CRPPA: variants seen among roughly 807,000 people sequenced by gnomAD.
CRPPA encodes CDP-L-ribitol pyrophosphorylase A, also known as D-ribitol-5-phosphate cytidylyltransferase.
CRPPA carries 43 observed loss-of-function variants against 52.0 expected under a neutral mutation model. The ratio of observed to expected loss-of-function variants is 0.83; its 90% CI spans 0.65 to 1.07. CRPPA has a LOEUF of 1.07. Ranked by LOEUF, CRPPA falls within the 50% of genes least tolerant of loss-of-function variation. CRPPA has a pLI of 0.00. For missense variants in CRPPA, 629 were observed against 551.7 expected (o/e 1.14, Z -1.40); for synonymous variants, 250 against 203.5 (o/e 1.23, Z -1.94).
At chr7:16,294,010 A>C (rs1784617942) in intron 5 of CRPPA, among the ~76,000 whole-genome samples, 1 of 151,876 alleles carries the variant, frequency 6.6e-6, no homozygotes, top group Admixed American at 6.6e-5. Context: ...ACGTGTGTCC[A>C]TGTCATTTTT....
chr7:16,368,203 A>G (rs999118058), intron 3 of CRPPA, among the ~76,000 whole-genome samples: 1 of 152,246 alleles, frequency 6.6e-6, no homozygotes, highest in African/African-American at 2.4e-5. Context: ...TGAAGATTCA[A>G]TAAGAATCCA....
rs1210296075 is a variant in CRPPA, at chr7:16,158,922, ACTT to A, written c.1251+57141_1251+57143del. Among the ~76,000 whole-genome samples the A allele has an allele frequency of 7.2e-5, 11 of 151,910 alleles. 1 individual carries two copies. Among genetic ancestry groups the A allele is most frequent in the Admixed American group, 6.6e-4 (10 of 15,256 alleles). ...AATCCAAGCAAGAATTATGTGACTA[ACTT>A]CTTCTTTTGTGTTTTGTTTTTATTT... is the stretch of plus-strand genomic sequence containing the variant. On this transcript the variant is annotated intron_variant, in intron 9 of 9. Transcript: ENST00000407010.
At chr7:16,215,652 C>T (rs1287028272) in intron 9 of CRPPA, among the ~76,000 whole-genome samples, 1 of 152,114 alleles carries the variant, frequency 6.6e-6, no homozygotes, top group Non-Finnish European at 1.5e-5. Flanking sequence ...TCTTAAATTA[C>T]ACCAGTGGAC....
chr7:16,102,269 A>T (rs1427252336), intron 9 of CRPPA, among the ~76,000 whole-genome samples: 1 of 151,356 alleles, frequency 6.6e-6, no homozygotes, highest in Non-Finnish European at 1.5e-5. Context: ...GAAAACTGAA[A>T]CTGGACCCCT....
chr7:16,242,243 C>T (rs1024078610), intron 8 of CRPPA, among the ~76,000 whole-genome samples: 11 of 151,860 alleles, frequency 7.2e-5, no homozygotes, highest in South Asian at 2.1e-4. Flanking sequence ...CTTGAGACAC[C>T]GCGCCCAGCC....
At chr7:16,216,976 C>T (rs1223719508) in intron 8 of CRPPA, among the ~76,000 whole-genome samples, 4 of 152,114 alleles carry the variant, frequency 2.6e-5, no homozygotes, top group Non-Finnish European at 5.9e-5. Context: ...GTAGGCTTCA[C>T]CTCTGGGGGC....
intron 8 of CRPPA, among the ~76,000 whole-genome samples, chr7:16,246,395 C>T (rs1168464165): frequency 2.6e-5 from 4 of 152,136 alleles, no homozygotes; most frequent in East Asian, 3.9e-4. Context: ...GAAGTCACAT[C>T]GCTCCAAGTC....
chr7:16,376,389 A>T (rs926545644), intron 2 of CRPPA, 148 bp from the exon 3 acceptor site: 29 of 771,918 alleles, frequency 3.8e-5, no homozygotes, highest in Non-Finnish European at 5.4e-5. Flanking sequence ...GATTGGTTCA[A>T]AAATGGTTAT....
intron 9 of CRPPA, among the ~76,000 whole-genome samples, chr7:16,181,953 GTAAT>G (rs1373006774): frequency 6.6e-6 from 1 of 151,776 alleles, no homozygotes; most frequent in East Asian, 1.9e-4. Context: ...TATAAACAAT[GTAAT>G]TAATCTGTAA....
chr7:16,201,452 C>T (rs898985535), intron 9 of CRPPA, among the ~76,000 whole-genome samples: 3 of 152,152 alleles, frequency 2.0e-5, no homozygotes, highest in Non-Finnish European at 4.4e-5. Flanking sequence ...CAACCATAAA[C>T]GAAATGGCAC....
chr7:16,184,098 C>T (rs1460374425), intron 9 of CRPPA, among the ~76,000 whole-genome samples: 8 of 152,012 alleles, frequency 5.3e-5, no homozygotes, highest in Middle Eastern at 3.4e-3. Context: ...CACACCACCA[C>T]GCCCCGCTAA....
chr7:16,374,076 C>T (rs1440814584), intron 3 of CRPPA, among the ~76,000 whole-genome samples: 1 of 152,050 alleles, frequency 6.6e-6, no homozygotes, highest in Admixed American at 6.5e-5. Context: ...GCCTAAATAG[C>T]TGGTATTGTC....
At chr7:16,163,093 C>T (rs1431562802) in intron 9 of CRPPA, among the ~76,000 whole-genome samples, 1 of 151,544 alleles carries the variant, frequency 6.6e-6, no homozygotes, top group East Asian at 1.9e-4. Flanking sequence ...CCTGCCTCAG[C>T]TTCCCAAGTA....
At chr7:16,286,062 T>TTTAAAAAAAAAAAAA (rs1562608492) in intron 5 of CRPPA, among the ~76,000 whole-genome samples, 2 of 32,362 alleles carry the variant, frequency 6.2e-5, no homozygotes, top group Non-Finnish European at 1.1e-4. Flanking sequence ...TATATATATA[T>TTTAAAAAAAAAAAAA]ATATATATAT....
At chr7:16,255,272 C>T (rs1246225181) in intron 8 of CRPPA, among the ~76,000 whole-genome samples, 1 of 152,128 alleles carries the variant, frequency 6.6e-6, no homozygotes, top group Non-Finnish European at 1.5e-5. Context: ...CTACAAACCA[C>T]TGCTCAAGGA....
At chr7:16,226,027 A>G (rs913377096) in intron 8 of CRPPA, among the ~76,000 whole-genome samples, 2 of 152,026 alleles carry the variant, frequency 1.3e-5, no homozygotes, top group Non-Finnish European at 2.9e-5. Flanking sequence ...TATCCAAGTC[A>G]TATTAGAAAA....
chr7:16,125,462 C>G (rs1782559918), intron 9 of CRPPA, among the ~76,000 whole-genome samples: 1 of 151,798 alleles, frequency 6.6e-6, no homozygotes, highest in Non-Finnish European at 1.5e-5. Flanking sequence ...TTAATGCAAC[C>G]CAATAGAATA....
intron 9 of CRPPA, among the ~76,000 whole-genome samples, chr7:16,151,720 A>G (rs1209399840): frequency 6.6e-6 from 1 of 152,096 alleles, no homozygotes; most frequent in African/African-American, 2.4e-5. Flanking sequence ...TATTGTACAT[A>G]TTGACTGATC....
At chr7:16,324,975 C>G (rs1357541910) in intron 3 of CRPPA, among the ~76,000 whole-genome samples, 1 of 152,144 alleles carries the variant, frequency 6.6e-6, no homozygotes, top group Non-Finnish European at 1.5e-5. Flanking sequence ...AGCCTTGTTT[C>G]TTGTCATTCC....
Sources: gnomAD v4.1 joint callset for allele counts (sites outside exome capture counted in the v4.1 genomes callset) on GRCh38, gnomAD v4.1.1 for gene constraint, MANE v1.5 for transcripts, NCBI Gene and HGNC (gene_info 2026-07-23, HGNC 2026-07-21) for gene names.